Variants in ILRUN observed in about 807,000 individuals in gnomAD.
ILRUN encodes the protein protein ILRUN.
A neutral mutation model predicts 33.8 loss-of-function variants in ILRUN; 3 were observed. The ratio of observed to expected loss-of-function variants is 0.09; its 90% CI spans 0.04 to 0.23. ILRUN has a LOEUF of 0.23. Ranked by LOEUF, ILRUN falls within the 10% of genes least tolerant of loss-of-function variation. ILRUN has a pLI of 1.00. For synonymous variants in ILRUN, 124 were observed against 138.9 expected (o/e 0.89, Z 0.75); for missense variants, 210 against 375.1 (o/e 0.56, Z 3.64).
At chr6:34,647,994 C>T in intron 2 of ILRUN, among the ~76,000 whole-genome samples, 1 of 152,214 alleles carries the variant, frequency 6.6e-6, no homozygotes. Flanking sequence ...CCATGGCGCC[C>T]AGCCGGTACC....
intron 3 of ILRUN, among the ~76,000 whole-genome samples, chr6:34,628,395 C>A (rs1375527244): frequency 2.0e-5 from 3 of 151,984 alleles, no homozygotes; most frequent in Non-Finnish European, 1.5e-5. Flanking sequence ...ATGATCTCGG[C>A]TCACTGCAAC....
intron 3 of ILRUN, among the ~76,000 whole-genome samples, chr6:34,620,441 G>A (rs759315844): frequency 6.6e-6 from 1 of 152,126 alleles, no homozygotes; most frequent in Admixed American, 6.5e-5. Context: ...TCTGAGGATC[G>A]GGTATGTCTA....
chr6:34,682,819 G>A (rs141645222), intron 1 of ILRUN, among the ~76,000 whole-genome samples: 19 of 152,056 alleles, frequency 1.2e-4, no homozygotes, highest in African/African-American at 3.4e-4. Flanking sequence ...GTCCATAAGC[G>A]TGATGATTGA....
intron 3 of ILRUN, among the ~76,000 whole-genome samples, chr6:34,617,817 CA>C (rs1352013785): frequency 1.3e-5 from 2 of 152,122 alleles, no homozygotes. Context: ...AAATGCCCCT[CA>C]AAAAACGTAT....
At chr6:34,651,928 G>A (rs745769703) in intron 2 of ILRUN, among the ~76,000 whole-genome samples, 9 of 151,940 alleles carry the variant, frequency 5.9e-5, no homozygotes, top group African/African-American at 1.7e-4. Context: ...AAGTAGCTGG[G>A]ACTACAGGCA....
chr6:34,623,186 T>C (rs1346648903), intron 3 of ILRUN, among the ~76,000 whole-genome samples: 1 of 152,200 alleles, frequency 6.6e-6, no homozygotes, highest in Non-Finnish European at 1.5e-5. Flanking sequence ...AATATACTTA[T>C]TGCCAGTGAA....
At chr6:34,612,123 A>T (rs949626248) in intron 3 of ILRUN, among the ~76,000 whole-genome samples, 8 of 152,198 alleles carry the variant, frequency 5.3e-5, no homozygotes, top group African/African-American at 1.7e-4. Flanking sequence ...TTTCTTTTAA[A>T]GCACCTGAGG....
chr6:34,649,063 C>T (rs1475488207), intron 2 of ILRUN, among the ~76,000 whole-genome samples: 1 of 152,088 alleles, frequency 6.6e-6, no homozygotes, highest in African/African-American at 2.4e-5. Context: ...TAGGGTCCTG[C>T]CCTTCTTGGT....
intron 1 of ILRUN, among the ~76,000 whole-genome samples, chr6:34,687,698 C>CAAA (rs35852723): frequency 5.5e-3 from 684 of 124,846 alleles, no homozygotes; most frequent in Middle Eastern, 0.012. Flanking sequence ...ACTCCATCTC[C>CAAA]AAAAAAAAAA....
chr6:34,683,538 C>T (rs954937327), intron 1 of ILRUN, among the ~76,000 whole-genome samples: 7 of 132,536 alleles, frequency 5.3e-5, no homozygotes, highest in Admixed American at 7.8e-5. Flanking sequence ...ACATATTGCA[C>T]AGAATATTCT....
chr6:34,650,334 A>G (rs1425939663), intron 2 of ILRUN, among the ~76,000 whole-genome samples: 1 of 152,112 alleles, frequency 6.6e-6, no homozygotes, highest in Non-Finnish European at 1.5e-5. Context: ...GTTATTAGAT[A>G]TCTCAGTTCT....
rs1761807172 is a variant in ILRUN at position 34,613,705 on chromosome 6, T to C, written c.512-6801A>G. ...TAAAGTCAGAGATGTCAATATAAGT[T>C]CCTGGTTATAATAGATGAAGAAATA... On this transcript the variant is annotated intron_variant, in intron 3 of 4. Transcript: ENST00000374023. Among the ~76,000 whole-genome samples the C allele has an allele frequency of 3.3e-5, 5 of 152,216 alleles. No individual in the cohort carries two copies. The South Asian group carries it at 1.0e-3, about 31-fold the overall frequency.
At chr6:34,606,525 C>T (rs1351968287) in intron 4 of ILRUN, 30 bp downstream of exon 4, 1 of 1,577,578 alleles carries the variant, frequency 6.3e-7, no homozygotes, top group South Asian at 1.1e-5. Flanking sequence ...GGCCCACCAC[C>T]TACCCCTTCT....
chr6:34,668,870 G>C (rs1763056123), intron 1 of ILRUN, among the ~76,000 whole-genome samples: 1 of 140,738 alleles, frequency 7.1e-6, no homozygotes, highest in Non-Finnish European at 1.5e-5. Context: ...TGGAGATGAA[G>C]TTTCGCTCTT....
chr6:34,687,835 G>T (rs540192030), intron 1 of ILRUN, among the ~76,000 whole-genome samples: 9 of 151,842 alleles, frequency 5.9e-5, no homozygotes, highest in Middle Eastern at 3.4e-3. Flanking sequence ...CCGCGGTTGG[G>T]AATGTAAAAT....
At position 34,654,757 on chromosome 6, in the gene ILRUN, C is replaced by T. The variant is rs1762736782; in HGVS notation, c.181G>A (p.Ala61Thr). 4 of 1,613,326 alleles carry T rather than the reference C, an allele frequency of 2.5e-6. No homozygotes were observed. Among genetic ancestry groups the T allele is most frequent in the Non-Finnish European group, 2.5e-6 (3 of 1,179,796 alleles). ...TTTGGGCTCTCAAAGTCATAATAGG[C>T]GCCAATTGCTGCTTGTAGGTTCCTA... ...TNWNLQAAIG[A>T]YYDFESPNIS... Residue 61 changes from alanine (A) to threonine (T), a missense_variant, in exon 2 of 5, where the codon GCC (alanine) becomes ACC (threonine). Physicochemically the swap from Ala to Thr is moderately conservative, Grantham distance 58 (BLOSUM62 0). This residue lies in a region of ILRUN where 61 missense variants were observed against 94.4 expected (regional missense o/e 0.65). Transcript: ENST00000374023.
At chr6:34,635,472 G>C (rs1426590188) in intron 3 of ILRUN, among the ~76,000 whole-genome samples, 2 of 150,330 alleles carry the variant, frequency 1.3e-5, no homozygotes, top group Non-Finnish European at 2.9e-5. Context: ...AGGCTACAGT[G>C]AGCCAGGATC....
intron 3 of ILRUN, among the ~76,000 whole-genome samples, chr6:34,627,193 T>G (rs1022029443): frequency 2.6e-5 from 4 of 152,210 alleles, no homozygotes; most frequent in African/African-American, 7.2e-5. Flanking sequence ...CTTCTTTCAC[T>G]TGGTAATATG....
At chr6:34,642,886 G>A (rs1340558887) in intron 3 of ILRUN, among the ~76,000 whole-genome samples, 1 of 149,184 alleles carries the variant, frequency 6.7e-6, no homozygotes. Flanking sequence ...CCAGCTACTT[G>A]GGAGGCTGAG....
Sources: gnomAD v4.1 joint callset for allele counts (sites outside exome capture counted in the v4.1 genomes callset) on GRCh38, gnomAD v4.1.1 for gene constraint, gnomAD v4.1.1 regional missense constraint, MANE v1.5 for transcripts, NCBI Gene and HGNC (gene_info 2026-07-23, HGNC 2026-07-21) for gene names.